Variants in CDC42SE2 observed in about 807,000 individuals in gnomAD.
CDC42SE2 encodes the protein CDC42 small effector protein 2.
CDC42SE2 carries 3 observed loss-of-function variants against 11.5 expected under a neutral mutation model. The ratio of observed to expected loss-of-function variants is 0.26; its 90% CI spans 0.12 to 0.67. CDC42SE2 has a LOEUF of 0.67. CDC42SE2 is among the 30% of genes least tolerant of loss of function. The pLI, the probability that CDC42SE2 is intolerant of heterozygous loss-of-function variation, is 0.80. For missense variants in CDC42SE2, 82 were observed against 106.8 expected (o/e 0.77, Z 1.02); for synonymous variants, 33 against 34.8 (o/e 0.95, Z 0.18).
intron 2 of CDC42SE2, among the ~76,000 whole-genome samples, chr5:131,351,064 G>GC (rs1266874886): frequency 6.6e-6 from 1 of 151,534 alleles, no homozygotes; most frequent in East Asian, 1.9e-4. Context: ...TCCTGCCTCA[G>GC]CCCCTCCAAG....
chr5:131,239,889 C>G, the CDC42SE2 span, among the ~76,000 whole-genome samples: 1 of 152,166 alleles, frequency 6.6e-6, no homozygotes. Flanking sequence ...TTTTCTATTC[C>G]TCTTTCCTAG....
chr5:131,317,971 G>A (rs1580750810), intron 2 of CDC42SE2, among the ~76,000 whole-genome samples: 1 of 151,812 alleles, frequency 6.6e-6, no homozygotes, highest in East Asian at 1.9e-4. Context: ...GCTGGAGTGT[G>A]ATCTTGGCTC....
chr5:131,316,449 G>C (rs1401314723), intron 2 of CDC42SE2, among the ~76,000 whole-genome samples: 1 of 152,188 alleles, frequency 6.6e-6, no homozygotes. Context: ...CTGAAATGAT[G>C]GTCATGATAG....
At chr5:131,231,200 T>A in the CDC42SE2 span, among the ~76,000 whole-genome samples, 1 of 152,222 alleles carries the variant, frequency 6.6e-6, no homozygotes, top group African/African-American at 2.4e-5. Flanking sequence ...TTTGGCTTTT[T>A]AAAAATCTCC....
At chr5:131,307,381 A>C (rs1438439616) in intron 1 of CDC42SE2, among the ~76,000 whole-genome samples, 3 of 151,812 alleles carry the variant, frequency 2.0e-5, no homozygotes, top group Non-Finnish European at 4.4e-5. Context: ...CCATGTCCCT[A>C]CAAAGGACAT....
intron 3 of CDC42SE2, among the ~76,000 whole-genome samples, chr5:131,376,274 A>C (rs1750152027): frequency 6.6e-6 from 1 of 152,004 alleles, no homozygotes; most frequent in African/African-American, 2.4e-5. Context: ...AATAGAGAGT[A>C]CAAAGGTGAA....
At chr5:131,234,889 A>AC in the CDC42SE2 span, among the ~76,000 whole-genome samples, 87 of 130,272 alleles carry the variant, frequency 6.7e-4, 1 homozygote, top group Non-Finnish European at 9.7e-4. Flanking sequence ...TGGTGAGGGC[A>AC]AATTTTTTTT....
chr5:131,352,069 C>G (rs1175030070), intron 2 of CDC42SE2, among the ~76,000 whole-genome samples: 1 of 152,046 alleles, frequency 6.6e-6, no homozygotes, highest in South Asian at 2.1e-4. Flanking sequence ...CAGAAAAGTG[C>G]AAATTTAAAC....
intron 1 of CDC42SE2, among the ~76,000 whole-genome samples, chr5:131,285,403 A>C (rs539604233): frequency 6.6e-6 from 1 of 152,208 alleles, no homozygotes; most frequent in East Asian, 1.9e-4. Flanking sequence ...TTAATATTCT[A>C]TATTGATTCA....
chr5:131,334,859 C>A (rs936158963), intron 2 of CDC42SE2, among the ~76,000 whole-genome samples: 1 of 151,930 alleles, frequency 6.6e-6, no homozygotes, highest in African/African-American at 2.4e-5. Flanking sequence ...TCTCTCTTTT[C>A]TTCTTTATTA....
intron 1 of CDC42SE2, among the ~76,000 whole-genome samples, chr5:131,309,260 G>A (rs1380877876): frequency 4.6e-5 from 7 of 150,650 alleles, no homozygotes; most frequent in East Asian, 1.9e-4. Context: ...ATTGATTTGC[G>A]TATATTGAAC....
chr5:131,372,234 A>G (rs1368062121), intron 3 of CDC42SE2, among the ~76,000 whole-genome samples: 3 of 152,198 alleles, frequency 2.0e-5, no homozygotes, highest in Non-Finnish European at 4.4e-5. Context: ...GCAAAAAAAG[A>G]TATTACTCAA....
intron 3 of CDC42SE2, among the ~76,000 whole-genome samples, chr5:131,372,607 G>A (rs1026402265): frequency 1.2e-4 from 18 of 151,928 alleles, no homozygotes; most frequent in African/African-American, 4.1e-4. Flanking sequence ...CCAGCTACTC[G>A]GGAGGCACTG....
At position 131,309,925 on chromosome 5, in the gene CDC42SE2, G is replaced by T. The variant is rs1463184741; in HGVS notation, c.-454-6051G>T. Among the ~76,000 whole-genome samples the T allele has an allele frequency of 7.4e-3, 1,130 of 151,774 alleles. 17 individuals carry two copies. The highest frequency in any genetic ancestry group is 0.026 in the African/African-American group (1,085 of 41,402). On this transcript the variant is annotated intron_variant, in intron 1 of 4. Transcript: ENST00000505065. ...CCTGGATTCATTAATTTTTTGAAGG[G>T]TTTTTTGTGTCTCTATTTCCTTCAG...
intron 3 of CDC42SE2, among the ~76,000 whole-genome samples, chr5:131,384,191 G>A (rs977121982): frequency 5.9e-5 from 9 of 152,198 alleles, no homozygotes; most frequent in East Asian, 1.9e-4. Context: ...AAGGAAAAGC[G>A]TCAGGGTTTT....
At chr5:131,335,950 A>G (rs1758549492) in intron 2 of CDC42SE2, among the ~76,000 whole-genome samples, 1 of 152,072 alleles carries the variant, frequency 6.6e-6, no homozygotes, top group East Asian at 1.9e-4. Context: ...TTTTAATTGG[A>G]GCATTTAGCC....
chr5:131,343,468 C>T (rs546944081), intron 2 of CDC42SE2, among the ~76,000 whole-genome samples: 9 of 152,080 alleles, frequency 5.9e-5, no homozygotes, highest in Non-Finnish European at 7.4e-5. Flanking sequence ...ATTCCAGCAC[C>T]GTGGGAGGCC....
At chr5:131,336,493 A>G (rs890388089) in intron 2 of CDC42SE2, among the ~76,000 whole-genome samples, 3 of 151,936 alleles carry the variant, frequency 2.0e-5, no homozygotes, top group East Asian at 1.9e-4. Context: ...TGTTCTCTGT[A>G]TTTCCTGAAT....
At chr5:131,351,824 A>T (rs549673713) in intron 2 of CDC42SE2, among the ~76,000 whole-genome samples, 6 of 152,358 alleles carry the variant, frequency 3.9e-5, no homozygotes, top group African/African-American at 1.4e-4. Context: ...AAACTTATGC[A>T]TAAGACATTA....
Sources: allele counts gnomAD v4.1 joint callset (sites outside exome capture counted in the v4.1 genomes callset), GRCh38; gene constraint gnomAD v4.1.1; transcripts MANE v1.5; gene names NCBI Gene and HGNC (gene_info 2026-07-23, HGNC 2026-07-21).